Variants in LOC112694756 observed in about 807,000 individuals in gnomAD.
chr16:30,058,256 G>A, the LOC112694756 span, among the ~76,000 whole-genome samples: 3 of 152,156 alleles, frequency 2.0e-5, no homozygotes, highest in Admixed American at 1.3e-4. Flanking sequence ...CTGTCCTTGA[G>A]CTGTCTTTCC....
chr16:30,070,147 A>T, the LOC112694756 span: 5 of 1,613,918 alleles, frequency 3.1e-6, no homozygotes, highest in South Asian at 5.5e-5. Flanking sequence ...AGGAAAGTAC[A>T]CTCCGAGCGG....
chr16:30,062,127 C>T, the LOC112694756 span, among the ~76,000 whole-genome samples: 5 of 151,938 alleles, frequency 3.3e-5, no homozygotes, highest in South Asian at 2.1e-4. Flanking sequence ...CACTTGAACC[C>T]GGGAGGCAGA....
chr16:30,058,643 A>G, the LOC112694756 span, among the ~76,000 whole-genome samples: 33 of 151,728 alleles, frequency 2.2e-4, no homozygotes, highest in Non-Finnish European at 3.2e-4. Context: ...CCGCCACCAC[A>G]CCTGGCTAAT....
chr16:30,069,371 C>T, the LOC112694756 span: 1 of 1,614,146 alleles, frequency 6.2e-7, no homozygotes, highest in Non-Finnish European at 8.5e-7. Context: ...TGAAGCGCTG[C>T]CAGTATGTGA....
chr16:30,063,682 G>C, the LOC112694756 span: 1 of 399,228 alleles, frequency 2.5e-6, no homozygotes, highest in East Asian at 3.6e-5. Context: ...GAGAGCAACA[G>C]ACGTGGCCCC....
the LOC112694756 span, chr16:30,069,497 A>G: frequency 3.7e-6 from 6 of 1,614,088 alleles, no homozygotes; most frequent in Non-Finnish European, 5.1e-6. Flanking sequence ...GCTCTGCTCC[A>G]GGTGCTGGCT....
the LOC112694756 span, chr16:30,068,490 C>G: frequency 1.2e-6 from 1 of 813,568 alleles, no homozygotes; most frequent in East Asian, 2.7e-5. Flanking sequence ...GCACGCCCAG[C>G]TACCTAGGAG....
the LOC112694756 span, chr16:30,070,251 C>G: frequency 4.4e-6 from 7 of 1,600,970 alleles, no homozygotes; most frequent in African/African-American, 4.0e-5. Context: ...ACTCCAGGCC[C>G]TGCCCCCTCC....
chr16:30,066,825 C>T, the LOC112694756 span: 4 of 1,505,648 alleles, frequency 2.7e-6, no homozygotes, highest in Non-Finnish European at 3.6e-6. Context: ...GGGTGTTGGG[C>T]CCTCTGCTTG....
the LOC112694756 span, chr16:30,069,573 G>A: frequency 1.3e-4 from 206 of 1,614,098 alleles, 1 homozygote; most frequent in South Asian, 2.1e-3. Context: ...AGCCCAACAT[G>A]GTCACCCCAG....
At chr16:30,067,502 C>G in the LOC112694756 span, 1 of 1,613,780 alleles carries the variant, frequency 6.2e-7, no homozygotes, top group Non-Finnish European at 8.5e-7. Context: ...CCGAGGAGAA[C>G]CGGCGCTTCT....
chr16:30,067,154 C>T, the LOC112694756 span: 11 of 1,598,806 alleles, frequency 6.9e-6, no homozygotes, highest in Non-Finnish European at 9.4e-6. Context: ...TCCCTGACCT[C>T]CAGGAGAGGG....
At chr16:30,063,674 G>A in the LOC112694756 span, 2 of 399,182 alleles carry the variant, frequency 5.0e-6, no homozygotes, top group Non-Finnish European at 8.8e-6. Flanking sequence ...TCCCCTTAGA[G>A]AGCAACAGAC....
At chr16:30,061,928 C>T in the LOC112694756 span, among the ~76,000 whole-genome samples, 44 of 151,762 alleles carry the variant, frequency 2.9e-4, no homozygotes, top group African/African-American at 7.7e-4. Context: ...TAAGGCTGGG[C>T]GCGGTGGCTC....
chr16:30,059,161 C>T, the LOC112694756 span: 1 of 393,402 alleles, frequency 2.5e-6, no homozygotes, highest in Non-Finnish European at 4.5e-6. Flanking sequence ...CTGATGCACA[C>T]AGGTTAAGAA....
chr16:30,069,528 T>TAGTACAA, the LOC112694756 span: 1 of 1,614,102 alleles, frequency 6.2e-7, no homozygotes, highest in Non-Finnish European at 8.5e-7. Flanking sequence ...AGGCTCTGAG[T>TAGTACAA]GACCACCACA....
the LOC112694756 span, among the ~76,000 whole-genome samples, chr16:30,061,405 T>A: frequency 1.1e-4 from 16 of 152,310 alleles, no homozygotes; most frequent in South Asian, 3.1e-3. Flanking sequence ...GAATATGGGA[T>A]GAGCTGCCCC....
At chr16:30,054,875 G>C in the LOC112694756 span, 1 of 399,120 alleles carries the variant, frequency 2.5e-6, no homozygotes, top group Non-Finnish European at 4.4e-6. Context: ...ATCGCTGTGG[G>C]CATCTATTTG....
At chr16:30,059,098 A>AG in the LOC112694756 span, 2 of 398,218 alleles carry the variant, frequency 5.0e-6, no homozygotes, top group Non-Finnish European at 8.9e-6. Flanking sequence ...CCCCACACTG[A>AG]GGTCTGGGCT....
Sources: allele counts gnomAD v4.1 joint callset (sites outside exome capture counted in the v4.1 genomes callset), GRCh38; gene constraint gnomAD v4.1.1; transcripts MANE v1.5.